Variants in PCDHGB7 observed in about 807,000 individuals in gnomAD.
PCDHGB7 encodes protocadherin gamma-B7.
PCDHGB7 carries 37 observed loss-of-function variants against 61.4 expected under a neutral mutation model. The observed-to-expected ratio is 0.60, with a 90% confidence interval of 0.46 to 0.79. PCDHGB7 has a LOEUF of 0.79. Among genes scored for constraint, PCDHGB7 ranks in the 30% least tolerant of loss-of-function variants. The pLI is 0.00. For missense variants in PCDHGB7, 1,166 were observed against 1,202.5 expected (o/e 0.97, Z 0.45); for synonymous variants, 464 against 503.5 (o/e 0.92, Z 1.05).
At chr5:141,446,132 TA>T (rs1252851903) in intron 1 of PCDHGB7, among the ~76,000 whole-genome samples, 1 of 152,204 alleles carries the variant, frequency 6.6e-6, no homozygotes, top group African/African-American at 2.4e-5. Context: ...CAATAAGACT[TA>T]ATAATGGAAT....
In PCDHGB7 at chr5:141,476,149, A is replaced by T. The variant is rs1042362185; in HGVS notation, c.2416-18658A>T. The stretch of plus-strand genomic sequence containing the variant: ...CAGAGGCCTGGAGGAGCGGACTGGT[A>T]AGCACCGGGAGGGTAGTGGGAGTTT... On this transcript the variant is annotated intron_variant, in intron 1 of 3. Transcript: ENST00000398594. This position sits in a 1 kb window ranked among gnomAD's most constrained non-coding sequence, Gnocchi z 7.6. 4 of 1,611,688 alleles carry T rather than the reference A, an allele frequency of 2.5e-6. No individual in the cohort carries two copies. In the African/African-American group the frequency reaches 5.3e-5, roughly 22 times the overall value.
chr5:141,473,894 T>C (rs1224416966), intron 1 of PCDHGB7, among the ~76,000 whole-genome samples: 1 of 152,134 alleles, frequency 6.6e-6, no homozygotes, highest in Non-Finnish European at 1.5e-5. Context: ...GTTCTGTTGG[T>C]TCATGAAGAG....
At position 141,418,578 on chromosome 5, in the gene PCDHGB7, CAGTGTT is replaced by C; in HGVS notation, c.720_725del (p.Val241_Phe242del). The C allele has an allele frequency of 6.2e-7, 1 of 1,614,040 alleles. No homozygotes were observed. The highest frequency in any genetic ancestry group is 1.3e-5 in the African/African-American group (1 of 75,066). On this transcript the variant is annotated inframe_deletion, in exon 1 of 4. Transcript: ENST00000398594. Reference sequence around the variant, plus strand: ...GTAATAGATGCCAATGACAACCCCCCAGTGTTCAGCCAGGACGTGTACAGGGTTAGC... The same window carrying C: ...GTAATAGATGCCAATGACAACCCCCCCAGCCAGGACGTGTACAGGGTTAGC...
At chr5:141,438,282 T>C (rs915347472) in intron 1 of PCDHGB7, among the ~76,000 whole-genome samples, 1 of 151,630 alleles carries the variant, frequency 6.6e-6, no homozygotes, top group African/African-American at 2.4e-5. Context: ...CAAAATAATT[T>C]AATCTGTATG....
Position 141,433,071 on chromosome 5 carries a change from C to T in PCDHGB7, c.2415+12797C>T, listed in dbSNP as rs2097566106. On this transcript the variant is annotated intron_variant, in intron 1 of 3. Transcript: ENST00000398594. ...TCGCGGAAGAGTCACCTGATCTTCC[C>T]CCAGCCCAACTATGCAGACATGCTC... 2.5e-6 allele frequency: 4 copies of T among 1,614,154 alleles called. No homozygotes were observed. The East Asian group carries it at 8.9e-5, about 36-fold the overall frequency.
intron 1 of PCDHGB7, chr5:141,427,090 A>G: frequency 2.2e-6 from 1 of 458,214 alleles, no homozygotes; most frequent in East Asian, 6.9e-5. Context: ...GACCAGGATG[A>G]GGGTGTCAAT....
chr5:141,483,811 C>A (rs1252197546), intron 1 of PCDHGB7, among the ~76,000 whole-genome samples: 1 of 152,102 alleles, frequency 6.6e-6, no homozygotes, highest in Non-Finnish European at 1.5e-5. Flanking sequence ...CTTTTTTTGG[C>A]AGCCAGTGTA....
intron 2 of PCDHGB7, among the ~76,000 whole-genome samples, chr5:141,498,191 A>G (rs2099782212): frequency 6.6e-6 from 1 of 152,270 alleles, no homozygotes; most frequent in African/African-American, 2.4e-5. Flanking sequence ...CAAATTAACC[A>G]GCTAAAGAAA....
At chr5:141,495,910 A>C (rs2154591812) in intron 2 of PCDHGB7, among the ~76,000 whole-genome samples, 1 of 151,278 alleles carries the variant, frequency 6.6e-6, no homozygotes, top group East Asian at 1.9e-4. Flanking sequence ...GTCTCTGTAT[A>C]TCTTTCTTTG....
At chr5:141,497,691 C>T (rs2099778682) in intron 2 of PCDHGB7, among the ~76,000 whole-genome samples, 1 of 152,066 alleles carries the variant, frequency 6.6e-6, no homozygotes, top group African/African-American at 2.4e-5. Flanking sequence ...AGGTGTGCAC[C>T]ACCACACCCA....
intron 1 of PCDHGB7, chr5:141,429,276 T>C (rs748800169): frequency 6.6e-5 from 10 of 152,228 alleles, no homozygotes; most frequent in Non-Finnish European, 1.2e-4. Flanking sequence ...TTTTTTCCTG[T>C]GATGTTTCTT....
chr5:141,417,739 C>T lies in PCDHGB7; in HGVS notation c.-121C>T. 9 of 1,411,706 alleles carry T rather than the reference C, an allele frequency of 6.4e-6. No individual in the cohort carries two copies. Among genetic ancestry groups the T allele is most frequent in the Non-Finnish European group, 5.6e-6 (6 of 1,072,722 alleles). 87.4% of individuals were successfully genotyped at this position (1,411,706 alleles called of 1,614,324 possible). A position where few individuals can be genotyped will look rare whatever the true frequency, so the allele number is the denominator to read the frequency against. On this transcript the variant is annotated 5_prime_UTR_variant, in exon 1 of 4. Coordinates refer to ENST00000398594, the MANE Select transcript of PCDHGB7 (RefSeq NM_018927.4). ...GGCTGCGCAGACCTTGCCCAGCACA[C>T]CAGATTGCCAGCTCCGAGACCCGGG... is the stretch of plus-strand genomic sequence containing the variant.
chr5:141,479,021 T>C (rs72790064), intron 1 of PCDHGB7, among the ~76,000 whole-genome samples: 1,892 of 152,352 alleles, frequency 0.012, 20 homozygotes, highest in Non-Finnish European at 0.018. Context: ...TAATTTTCCT[T>C]TGTTTATACA....
In PCDHGB7 at chr5:141,511,149, G is replaced by T; in HGVS notation, c.2766G>T (p.Lys922Asn). The change falls in exon 4 of 4, where the codon AAG becomes AAT. Residue 922 changes from lysine to asparagine, a missense_variant. By Grantham distance (94) the Lys-to-Asn change is moderately conservative. Transcript: ENST00000398594. ...APAGGNGNKKKSGKKEKK is the reference protein window; with the variant it reads ...APAGGNGNKKNSGKKEKK The stretch of plus-strand genomic sequence containing the variant: ...CAGGTGGCAATGGCAACAAGAAGAA[G>T]TCGGGCAAGAAGGAGAAGAAGTAAC... 1 of 1,614,176 alleles carries T rather than the reference G, an allele frequency of 6.2e-7. No homozygotes were observed. The highest frequency in any genetic ancestry group is 8.5e-7 in the Non-Finnish European group (1 of 1,179,998).
Position 141,476,447 on chromosome 5 carries a change from G to A in PCDHGB7, c.2416-18360G>A. 2 of 1,614,130 alleles carry A rather than the reference G, an allele frequency of 1.2e-6. No homozygotes were observed. The highest frequency in any genetic ancestry group is 1.7e-6 in the Non-Finnish European group (2 of 1,180,026). On this transcript the variant is annotated intron_variant, in intron 1 of 3. Transcript: ENST00000398594. This position sits in a 1 kb window ranked among gnomAD's most constrained non-coding sequence, Gnocchi z 7.6. ...CTCTTGCACTGTAACTCTGGAGTTGGTAGTGGAGAACCCGCTGGAGCTGTT... is the reference window on the plus strand; with the variant it reads ...CTCTTGCACTGTAACTCTGGAGTTGATAGTGGAGAACCCGCTGGAGCTGTT...
rs926566427 is a variant in PCDHGB7, at chr5:141,505,127, A to T, written c.2475-266A>T. Among the ~76,000 whole-genome samples, 9 of 152,158 alleles carry T rather than the reference A, an allele frequency of 5.9e-5. No homozygotes were observed. The East Asian group carries it at 1.5e-3, about 26-fold the overall frequency. The stretch of plus-strand genomic sequence containing the variant: ...CAATGAGCCAAGATCGCGCCACTGC[A>T]CTCCAGCCTGGATGACAGAGTAAGA... On this transcript the variant is annotated intron_variant, in intron 2 of 3. Transcript: ENST00000398594.
At chr5:141,450,516 C>T (rs150995579) in intron 1 of PCDHGB7, among the ~76,000 whole-genome samples, 2,020 of 152,024 alleles carry the variant, frequency 0.013, 56 homozygotes, top group African/African-American at 0.046. Context: ...GATGGAGTCT[C>T]ATTCTTGTCA....
Position 141,431,601 on chromosome 5 carries a change from T to G in PCDHGB7, c.2415+11327T>G. 1 of 1,614,202 alleles carries G rather than the reference T, an allele frequency of 6.2e-7. No homozygotes were observed. Among genetic ancestry groups the G allele is most frequent in the Non-Finnish European group, 8.5e-7 (1 of 1,180,032 alleles). On this transcript the variant is annotated intron_variant, in intron 1 of 3. Transcript: ENST00000398594. The surrounding 1 kb of genome is among the most constrained non-coding windows in gnomAD (Gnocchi z 4.8). Reference sequence around the variant, plus strand: ...GTCAATGCGGAAGTGAGGTATTCCTTCCGGTATGTGGACGACAAGGCGGCC... The same window carrying G: ...GTCAATGCGGAAGTGAGGTATTCCTGCCGGTATGTGGACGACAAGGCGGCC...
Position 141,420,238 on chromosome 5 carries a change from T to C in PCDHGB7, c.2379T>C (p.Thr793=). 2 of 1,594,838 alleles carry C rather than the reference T, an allele frequency of 1.3e-6. No individual in the cohort carries two copies. The highest frequency in any genetic ancestry group is 1.1e-5 in the South Asian group (1 of 88,658). ...KDSMLLASIL[T]PSVEADKKIL... ...GCATGCTACTGGCTAGCATTTTAAC[T>C]CCCAGCGTTGAAGCAGATAAGAAGA... is the stretch of plus-strand genomic sequence containing the variant. The change falls in exon 1 of 4, where the codon ACT becomes ACC. Residue 793 remains threonine, a synonymous_variant. Coordinates refer to ENST00000398594, the MANE Select transcript of PCDHGB7 (RefSeq NM_018927.4).
Sources: gnomAD v4.1 joint callset for allele counts (sites outside exome capture counted in the v4.1 genomes callset) on GRCh38, gnomAD v4.1.1 for gene constraint, Gnocchi (gnomAD v3.1) non-coding constraint, MANE v1.5 for transcripts, NCBI Gene and HGNC (gene_info 2026-07-23, HGNC 2026-07-21) for gene names.